The following LHFPL6 variants were observed in gnomAD, a reference collection of about 807,000 sequenced individuals.
LHFPL6 encodes LHFPL tetraspan subfamily member 6 protein.
Under a neutral mutation model 20.6 loss-of-function variants are expected in LHFPL6, and 9 were observed. The observed-to-expected ratio is 0.44, with a 90% CI of 0.26 to 0.76. LHFPL6 has a LOEUF of 0.76. Ranked by LOEUF, LHFPL6 falls within the 30% of genes least tolerant of loss-of-function variation. The probability of loss-of-function intolerance (pLI) is 0.20; values close to 1 mark genes in which losing one functional copy is unlikely to be tolerated. For missense variants in LHFPL6, 218 were observed against 253.5 expected (o/e 0.86, Z 0.95); for synonymous variants, 105 against 98.7 (o/e 1.06, Z -0.38).
chr13:39,379,832 T>C (rs1870391296), intron 2 of LHFPL6, among the ~76,000 whole-genome samples: 1 of 152,202 alleles, frequency 6.6e-6, no homozygotes, highest in African/African-American at 2.4e-5. Context: ...TTGGTTGACA[T>C]GAAGGGCCTT....
At chr13:39,499,007 C>T (rs766469937) in intron 2 of LHFPL6, among the ~76,000 whole-genome samples, 29 of 152,136 alleles carry the variant, frequency 1.9e-4, no homozygotes, top group Non-Finnish European at 3.8e-4. Context: ...ATTACAGGAG[C>T]GCACCACCAC....
At chr13:39,442,310 T>C (rs973910517) in intron 2 of LHFPL6, among the ~76,000 whole-genome samples, 8 of 152,248 alleles carry the variant, frequency 5.3e-5, no homozygotes, top group African/African-American at 1.7e-4. Flanking sequence ...TATATATTTT[T>C]AGCTATTAAG....
At position 39,603,094 on chromosome 13, in the gene LHFPL6, A is replaced by C. The variant is rs1175537422; in HGVS notation, c.-386T>G. The C allele has an allele frequency of 6.6e-6, 1 of 152,248 alleles. No individual in the cohort carries two copies. The highest frequency in any genetic ancestry group is 1.5e-5 in the Non-Finnish European group (1 of 68,102). 9.4% of individuals were successfully genotyped at this position (152,248 alleles called of 1,614,324 possible). ...TCCAGAAGCGGGCTGGCACCAGCGGAGACCCCCACTCCCGGCGAGTCCGCG... is the reference window on the plus strand; with the variant it reads ...TCCAGAAGCGGGCTGGCACCAGCGGCGACCCCCACTCCCGGCGAGTCCGCG... On this transcript the variant is annotated 5_prime_UTR_variant, in exon 1 of 4. Transcript: ENST00000379589.
intron 2 of LHFPL6, among the ~76,000 whole-genome samples, chr13:39,391,260 G>C (rs949284659): frequency 6.6e-6 from 1 of 152,152 alleles, no homozygotes; most frequent in African/African-American, 2.4e-5. Flanking sequence ...TACTGATTTT[G>C]ATACCACAGC....
At chr13:39,471,781 G>T (rs1872954412) in intron 2 of LHFPL6, among the ~76,000 whole-genome samples, 1 of 152,138 alleles carries the variant, frequency 6.6e-6, no homozygotes, top group South Asian at 2.1e-4. Context: ...CATTTTTATG[G>T]CATTTGAATT....
intron 2 of LHFPL6, among the ~76,000 whole-genome samples, chr13:39,416,808 T>A (rs1249454974): frequency 2.0e-5 from 3 of 152,172 alleles, no homozygotes; most frequent in East Asian, 3.9e-4. Context: ...GCAAATCAAA[T>A]TTTCCTCCTA....
intron 3 of LHFPL6, among the ~76,000 whole-genome samples, chr13:39,352,823 A>ATATATATATGTGTATATATATATAAATG (rs1869602617): frequency 9.3e-5 from 3 of 32,106 alleles, no homozygotes; most frequent in Non-Finnish European, 2.6e-4. Context: ...GAAAACATTT[A>ATATATATATGTGTATATATATATAAATG]TATATATATA....
intron 2 of LHFPL6, among the ~76,000 whole-genome samples, chr13:39,529,544 T>G (rs940941322): frequency 1.3e-5 from 2 of 152,236 alleles, no homozygotes; most frequent in Non-Finnish European, 2.9e-5. Flanking sequence ...AGGTTCATAC[T>G]TAGTGTGTAA....
chr13:39,602,545 G>A (rs1872991560), intron 1 of LHFPL6, among the ~76,000 whole-genome samples: 1 of 152,148 alleles, frequency 6.6e-6, no homozygotes, highest in South Asian at 2.1e-4. Flanking sequence ...ACTGCGGTGA[G>A]GCGCCCTCGC....
At chr13:39,437,767 TG>T (rs1348397054) in intron 2 of LHFPL6, among the ~76,000 whole-genome samples, 7 of 152,014 alleles carry the variant, frequency 4.6e-5, no homozygotes, top group African/African-American at 1.7e-4. Context: ...CTGGGCGTGG[TG>T]GCGGGTGCCT....
At chr13:39,548,538 C>T (rs1474190969) in intron 2 of LHFPL6, among the ~76,000 whole-genome samples, 4 of 152,008 alleles carry the variant, frequency 2.6e-5, no homozygotes, top group Non-Finnish European at 5.9e-5. Context: ...TGATGATGAG[C>T]TTTTTCCCTT....
At chr13:39,394,994 C>A (rs1449299074) in intron 2 of LHFPL6, among the ~76,000 whole-genome samples, 1 of 152,126 alleles carries the variant, frequency 6.6e-6, no homozygotes, top group Non-Finnish European at 1.5e-5. Flanking sequence ...GCGTGAGACA[C>A]CGGCTTCCCC....
intron 2 of LHFPL6, among the ~76,000 whole-genome samples, chr13:39,432,424 T>C (rs1255339732): frequency 2.0e-5 from 3 of 152,294 alleles, no homozygotes; most frequent in Non-Finnish European, 4.4e-5. Flanking sequence ...CCTTCCCTGC[T>C]GTCTCCCCTC....
chr13:39,558,134 C>T (rs959218394), intron 2 of LHFPL6, among the ~76,000 whole-genome samples: 1 of 152,174 alleles, frequency 6.6e-6, no homozygotes, highest in African/African-American at 2.4e-5. Context: ...AACACACTAT[C>T]ACACCGTTCA....
chr13:39,546,138 C>A (rs1870976182), intron 2 of LHFPL6, among the ~76,000 whole-genome samples: 1 of 151,912 alleles, frequency 6.6e-6, no homozygotes. Context: ...CATGGTAAGC[C>A]CCCAATAAAT....
intron 2 of LHFPL6, among the ~76,000 whole-genome samples, chr13:39,583,943 TC>T (rs1387354387): frequency 6.6e-6 from 1 of 152,082 alleles, no homozygotes; most frequent in Non-Finnish European, 1.5e-5. Flanking sequence ...TGCTGTTCCC[TC>T]TCTGAGAGGC....
rs141765297 is a variant in LHFPL6 at position 39,451,947 on chromosome 13, T to C, written c.386-73421A>G. Among the ~76,000 whole-genome samples, 106 of 152,306 alleles carry C rather than the reference T, an allele frequency of 7.0e-4. 1 individual carries two copies. In the East Asian group the frequency reaches 0.012, roughly 17 times the overall value. On this transcript the variant is annotated intron_variant, in intron 2 of 3. Transcript: ENST00000379589. ...AAATATGTGTGTGTGTGTGTGTGTG[T>C]GCGCATGCACGTGCATAAGACAAGC...
intron 2 of LHFPL6, among the ~76,000 whole-genome samples, chr13:39,576,934 A>G (rs2138535778): frequency 6.6e-6 from 1 of 152,318 alleles, no homozygotes; most frequent in Non-Finnish European, 1.5e-5. Flanking sequence ...TGCATTAGAT[A>G]TATGAACATT....
In LHFPL6 at chr13:39,356,784, G is replaced by A. The variant is rs1446743187; in HGVS notation, c.485-12730C>T. 2.0e-5 allele frequency among the ~76,000 whole-genome samples: 3 copies of A among 152,208 alleles called. No individual in the cohort carries two copies. In the East Asian group the frequency reaches 5.8e-4, roughly 29 times the overall value. On this transcript the variant is annotated intron_variant, in intron 3 of 3. Coordinates refer to ENST00000379589, the MANE Select transcript of LHFPL6 (RefSeq NM_005780.3). The stretch of plus-strand genomic sequence containing the variant: ...ATCTAGAGGAAATAGGTAAATTCCT[G>A]GAAACATACAACTTCTCAAGATTAA...
Sources: gnomAD v4.1 joint callset for allele counts (sites outside exome capture counted in the v4.1 genomes callset) on GRCh38, gnomAD v4.1.1 for gene constraint, MANE v1.5 for transcripts, NCBI Gene and HGNC (gene_info 2026-07-23, HGNC 2026-07-21) for gene names.